Variants in MECOM observed in about 807,000 individuals in gnomAD.
The protein encoded by MECOM is MDS1 and EVI1 complex locus, also known as histone-lysine N-methyltransferase MECOM.
MECOM carries 13 observed loss-of-function variants against 116.3 expected under a neutral mutation model. The observed-to-expected ratio is 0.11, with a 90% CI of 0.07 to 0.18. MECOM has a LOEUF of 0.18. MECOM is among the 10% of genes least tolerant of loss of function. MECOM has a pLI of 1.00. For missense variants in MECOM, 1,299 were observed against 1,509.0 expected, an observed-to-expected ratio of 0.86 and a Z score of 2.31; for synonymous variants, 528 against 535.2, an observed-to-expected ratio of 0.99 and a Z score of 0.19.
Position 169,442,527 on chromosome 3 carries a change from G to A in MECOM, c.38-61003C>T, listed in dbSNP as rs556991824. Among the ~76,000 whole-genome samples the A allele has an allele frequency of 1.6e-3, 243 of 152,218 alleles. 6 individuals carry two copies. Among genetic ancestry groups the A allele is most frequent in the Admixed American group, 0.013 (203 of 15,288 alleles). ...GGCAGGTAAGTATCCCAATTAGGTG[G>A]GTATACTAATGTAATCTCTTCCATG... On this transcript the variant is annotated intron_variant, in intron 1 of 16. Coordinates refer to ENST00000651503, the MANE Select transcript of MECOM (RefSeq NM_004991.4).
rs545244037 is a variant in MECOM at position 169,559,460 on chromosome 3, A to G, written c.37+103876T>C. Among the ~76,000 whole-genome samples the G allele has an allele frequency of 2.0e-5, 3 of 152,342 alleles. No individual in the cohort carries two copies. The South Asian group carries it at 6.2e-4, about 32-fold the overall frequency. On this transcript the variant is annotated intron_variant, in intron 1 of 16. Transcript: ENST00000651503. ...CTAGGATAAGAAAGAAATAATATAC[A>G]TAGGCATTCTACTATACGTCTGTAA...
At chr3:169,321,660 T>C (rs1227257377) in intron 2 of MECOM, among the ~76,000 whole-genome samples, 1 of 151,950 alleles carries the variant, frequency 6.6e-6, no homozygotes, top group Non-Finnish European at 1.5e-5. Context: ...TTCAGGGAGA[T>C]GGAATGTGGA....
intron 2 of MECOM, among the ~76,000 whole-genome samples, chr3:169,152,037 A>G (rs190786003): frequency 5.5e-4 from 83 of 152,290 alleles, no homozygotes; most frequent in Admixed American, 1.8e-3. Context: ...TTTTAATTTA[A>G]TAAGTATTTT....
At chr3:169,536,150 G>A (rs1759321845) in intron 1 of MECOM, among the ~76,000 whole-genome samples, 2 of 151,982 alleles carry the variant, frequency 1.3e-5, no homozygotes, top group African/African-American at 4.8e-5. Context: ...CCTCTTTCTG[G>A]GATTTCCTGA....
intron 1 of MECOM, among the ~76,000 whole-genome samples, chr3:169,580,642 G>T (rs1370876567): frequency 6.6e-6 from 1 of 152,108 alleles, no homozygotes; most frequent in Non-Finnish European, 1.5e-5. Context: ...CATGGAGGCT[G>T]GGAGAGACTC....
chr3:169,592,086 G>C (rs141139141), intron 1 of MECOM, among the ~76,000 whole-genome samples: 47 of 152,296 alleles, frequency 3.1e-4, no homozygotes, highest in Non-Finnish European at 5.7e-4. Context: ...CCGACCAGCA[G>C]TTACCCTTCA....
chr3:169,557,091 A>T (rs1018357833), intron 1 of MECOM, among the ~76,000 whole-genome samples: 1 of 152,126 alleles, frequency 6.6e-6, no homozygotes, highest in Non-Finnish European at 1.5e-5. Flanking sequence ...CAGGCCGGAA[A>T]TGCTGCAAGT....
intron 2 of MECOM, among the ~76,000 whole-genome samples, chr3:169,207,154 A>T (rs1167466554): frequency 1.5e-5 from 1 of 66,342 alleles, no homozygotes; most frequent in African/African-American, 9.6e-5. Flanking sequence ...GGTGTTCCTA[A>T]AATAGCTGAG....
intron 7 of MECOM, among the ~76,000 whole-genome samples, chr3:169,120,675 T>G (rs1369696718): frequency 6.6e-6 from 1 of 152,224 alleles, no homozygotes; most frequent in Non-Finnish European, 1.5e-5. Context: ...AGAACAGGTT[T>G]TTAATCACTT....
At chr3:169,468,542 T>C (rs999612601) in intron 1 of MECOM, among the ~76,000 whole-genome samples, 2 of 152,188 alleles carry the variant, frequency 1.3e-5, no homozygotes, top group African/African-American at 4.8e-5. Context: ...CACTCAAAAT[T>C]TTGTTGAATG....
At chr3:169,570,216 T>G (rs570066494) in intron 1 of MECOM, among the ~76,000 whole-genome samples, 2 of 152,294 alleles carry the variant, frequency 1.3e-5, no homozygotes, top group South Asian at 4.1e-4. Context: ...AACACCTCTA[T>G]GCAAATAAAT....
At chr3:169,191,327 T>C (rs1172802456) in intron 2 of MECOM, among the ~76,000 whole-genome samples, 1 of 151,476 alleles carries the variant, frequency 6.6e-6, no homozygotes, top group Non-Finnish European at 1.5e-5. Context: ...TTCAGGACTA[T>C]AGGAGTAAAG....
chr3:169,136,156 G>T (rs147961494), intron 3 of MECOM, among the ~76,000 whole-genome samples: 1 of 151,808 alleles, frequency 6.6e-6, no homozygotes, highest in Admixed American at 6.6e-5. Flanking sequence ...AAGTATAAAA[G>T]ACAGTGGTGA....
intron 2 of MECOM, among the ~76,000 whole-genome samples, chr3:169,228,920 C>A (rs1577402713): frequency 6.6e-6 from 1 of 152,214 alleles, no homozygotes; most frequent in African/African-American, 2.4e-5. Flanking sequence ...ACTGTATGCA[C>A]TGATATTTTG....
At chr3:169,235,700 G>A (rs1005944956) in intron 2 of MECOM, among the ~76,000 whole-genome samples, 2 of 151,856 alleles carry the variant, frequency 1.3e-5, no homozygotes, top group Non-Finnish European at 2.9e-5. Flanking sequence ...TGTTACTAGG[G>A]CAGAGGAAAA....
At chr3:169,647,337 G>T (rs1774312867) in intron 1 of MECOM, among the ~76,000 whole-genome samples, 1 of 152,176 alleles carries the variant, frequency 6.6e-6, no homozygotes, top group African/African-American at 2.4e-5. Flanking sequence ...AGTGACGCAT[G>T]AACACTCAAC....
intron 2 of MECOM, among the ~76,000 whole-genome samples, chr3:169,378,469 GCAAGCA>G (rs1242505363): frequency 0.015 from 838 of 54,394 alleles, 80 homozygotes; most frequent in Middle Eastern, 0.035. Flanking sequence ...AAGCAAGCAA[GCAAGCA>G]AGAAAGAGAG....
At chr3:169,323,190 G>A (rs1721224063) in intron 2 of MECOM, among the ~76,000 whole-genome samples, 2 of 152,050 alleles carry the variant, frequency 1.3e-5, no homozygotes, top group South Asian at 4.1e-4. Flanking sequence ...CTGAAACCAG[G>A]AGAGTTATCC....
chr3:169,155,054 C>T (rs73167984), intron 2 of MECOM, among the ~76,000 whole-genome samples: 10,827 of 152,182 alleles, frequency 0.071, 500 homozygotes, highest in South Asian at 0.19. Context: ...AAGTTTTGTT[C>T]CTACTGATAT....
Sources: allele counts gnomAD v4.1 joint callset (sites outside exome capture counted in the v4.1 genomes callset), GRCh38; gene constraint gnomAD v4.1.1; transcripts MANE v1.5; gene names NCBI Gene and HGNC (gene_info 2026-07-23, HGNC 2026-07-21).